TYW1: variants seen among roughly 807,000 people sequenced by gnomAD.
TYW1 encodes S-adenosyl-L-methionine-dependent tRNA 4-demethylwyosine synthase TYW1.
TYW1 carries 46 observed loss-of-function variants against 96.2 expected under a neutral mutation model. The observed-to-expected ratio is 0.48, with a 90% CI of 0.38 to 0.61. The LOEUF is 0.61. TYW1 is among the 20% of genes least tolerant of loss of function. TYW1 has a pLI of 0.00. For synonymous variants in TYW1, 274 were observed against 323.0 expected (o/e 0.85, Z 1.63); for missense variants, 684 against 909.6 (o/e 0.75, Z 3.19).
rs943976024 is a variant in TYW1, at chr7:66,997,091, G to A, written c.4+109G>A. 8.3e-6 allele frequency: 13 copies of A among 1,573,600 alleles called. No homozygotes were observed. In the African/African-American group the frequency reaches 1.3e-4, roughly 16 times the overall value. On this transcript the variant is annotated intron_variant, in intron 1 of 15. Transcript: ENST00000359626. The stretch of plus-strand genomic sequence containing the variant: ...CCTCGGTCCCTTTCCTTCGGAGACT[G>A]TTGCACTTGACAGCACCGGCTAGTC...
At chr7:67,170,357 C>T (rs1055673335) in intron 13 of TYW1, among the ~76,000 whole-genome samples, 1 of 152,150 alleles carries the variant, frequency 6.6e-6, no homozygotes, top group Non-Finnish European at 1.5e-5. Context: ...TTTGAAATCA[C>T]AGTGTTTGAA....
At chr7:67,065,222 A>G (rs190356794) in intron 9 of TYW1, among the ~76,000 whole-genome samples, 3 of 152,246 alleles carry the variant, frequency 2.0e-5, no homozygotes, top group Non-Finnish European at 4.4e-5. Context: ...TCCTGTTCTT[A>G]TAAGGACGGT....
chr7:67,224,260 CG>C (rs1485667344), intron 15 of TYW1, among the ~76,000 whole-genome samples: 1 of 152,138 alleles, frequency 6.6e-6, no homozygotes, highest in Non-Finnish European at 1.5e-5. Flanking sequence ...CCCAAGTAGC[CG>C]AGATTACAGG....
chr7:67,217,121 T>G (rs1801219214), intron 15 of TYW1, among the ~76,000 whole-genome samples: 1 of 151,606 alleles, frequency 6.6e-6, no homozygotes, highest in South Asian at 2.1e-4. Flanking sequence ...ATTTTGTTGT[T>G]GTTGTTGTTG....
At chr7:67,223,349 T>A (rs1301947498) in intron 15 of TYW1, among the ~76,000 whole-genome samples, 1 of 152,120 alleles carries the variant, frequency 6.6e-6, no homozygotes. Flanking sequence ...TTTGTTTTGT[T>A]TTGTTTGATT....
intron 9 of TYW1, among the ~76,000 whole-genome samples, chr7:67,057,074 T>G (rs55681549): frequency 0.3 from 44,664 of 150,230 alleles, 6,840 homozygotes; most frequent in Admixed American, 0.34. Flanking sequence ...GAGTACAGTG[T>G]CATGATCTTG....
At chr7:67,105,081 C>T (rs913690806) in intron 12 of TYW1, among the ~76,000 whole-genome samples, 1 of 152,226 alleles carries the variant, frequency 6.6e-6, no homozygotes, top group Non-Finnish European at 1.5e-5. Context: ...CAAAGAGCAG[C>T]GAGGGGGGCA....
chr7:67,017,872 A>G lies in TYW1; in HGVS notation c.590A>G (p.Lys197Arg). ...HFNKVGKNVD[K>R]WLWMLGAHRV... ...TCACAGGTTGGCAAAAATGTTGACAAGTGGCTCTGGATGCTTGGCGCGCAT... is the reference window on the plus strand; with the variant it reads ...TCACAGGTTGGCAAAAATGTTGACAGGTGGCTCTGGATGCTTGGCGCGCAT... The change falls in exon 6 of 16, where the codon AAG becomes AGG. Residue 197 changes from lysine (K) to arginine (R), a missense_variant. Coordinates refer to ENST00000359626, the MANE Select transcript of TYW1 (RefSeq NM_018264.4). 1.2e-6 allele frequency: 2 copies of G among 1,611,698 alleles called. No homozygotes were observed. Among genetic ancestry groups the G allele is most frequent in the Non-Finnish European group, 1.7e-6 (2 of 1,177,934 alleles).
chr7:67,215,664 A>C (rs1219227601), intron 15 of TYW1, among the ~76,000 whole-genome samples: 1 of 151,866 alleles, frequency 6.6e-6, no homozygotes, highest in Admixed American at 6.6e-5. Context: ...TAGAACTAAT[A>C]GGGGAGTTTA....
In TYW1 at chr7:67,050,021, A is replaced by G. The variant is rs150294347; in HGVS notation, c.1057A>G (p.Arg353Gly). 9 of 1,614,022 alleles carry G rather than the reference A, an allele frequency of 5.6e-6. No individual in the cohort carries two copies. The highest frequency in any genetic ancestry group is 3.3e-5 in the South Asian group (3 of 91,092). ...NMGRNEDGER[R>G]AMITPALREA... ...GGGGAGGAATGAAGATGGTGAAAGA[A>G]GAGCTATGATAACTCCTGCTCTCCG... Residue 353 changes from arginine (R) to glycine (G), a missense_variant, in exon 8 of 16, where the codon AGA (arginine) becomes GGA (glycine). Transcript: ENST00000359626.
intron 9 of TYW1, among the ~76,000 whole-genome samples, chr7:67,058,597 C>G (rs1404425937): frequency 6.6e-6 from 1 of 152,090 alleles, no homozygotes; most frequent in Non-Finnish European, 1.5e-5. Flanking sequence ...GATCCTCCCT[C>G]CTCAGCCTCC....
chr7:67,106,096 C>T (rs1175570380), intron 12 of TYW1, among the ~76,000 whole-genome samples: 1 of 152,102 alleles, frequency 6.6e-6, no homozygotes, highest in Non-Finnish European at 1.5e-5. Context: ...AGGGTTTCTC[C>T]ATGTTGGTCA....
chr7:66,998,081 A>G lies in TYW1; in HGVS notation c.21A>G (p.Thr7=), dbSNP rs138394993. The change falls in exon 2 of 16, where the codon ACA becomes ACG. Residue 7 remains threonine (T), a synonymous_variant. Transcript: ENST00000359626. MDPSAD[T]WDLFSPLISL... ...TAAATTTAGATCCTTCTGCGGATACATGGGACCTCTTCTCACCTTTAATAT... is the reference window on the plus strand; with the variant it reads ...TAAATTTAGATCCTTCTGCGGATACGTGGGACCTCTTCTCACCTTTAATAT... 1.2e-5 allele frequency: 19 copies of G among 1,600,736 alleles called. No individual in the cohort carries two copies. The African/African-American group carries it at 2.2e-4, about 18-fold the overall frequency.
At chr7:67,089,616 C>G (rs967319139) in intron 11 of TYW1, 8 of 514,204 alleles carry the variant, frequency 1.6e-5, no homozygotes, top group Non-Finnish European at 2.1e-5. Flanking sequence ...GGGATTGTTG[C>G]TTATTGTCTG....
intron 13 of TYW1, among the ~76,000 whole-genome samples, chr7:67,167,468 C>CAAAAAAAAAAAA (rs869281504): frequency 3.8e-5 from 3 of 78,804 alleles, no homozygotes; most frequent in Non-Finnish European, 6.9e-5. Flanking sequence ...GACTCTGTCT[C>CAAAAAAAAAAAA]AAAAAAAAAA....
intron 6 of TYW1, among the ~76,000 whole-genome samples, chr7:67,021,129 G>T (rs1380552168): frequency 2.0e-5 from 3 of 152,286 alleles, no homozygotes; most frequent in African/African-American, 7.2e-5. Context: ...TTCCCTAGGG[G>T]ATTGTCATAC....
At chr7:67,045,631 G>A (rs1584497281) in intron 7 of TYW1, among the ~76,000 whole-genome samples, 1 of 152,248 alleles carries the variant, frequency 6.6e-6, no homozygotes, top group Non-Finnish European at 1.5e-5. Context: ...AACGTTTTGT[G>A]TATTCATTGC....
At chr7:67,015,463 C>T (rs1332540952) in intron 5 of TYW1, among the ~76,000 whole-genome samples, 7 of 152,116 alleles carry the variant, frequency 4.6e-5, no homozygotes, top group African/African-American at 1.7e-4. Context: ...GGGATCCTCC[C>T]AAGTCAGCCT....
At chr7:67,205,594 C>CCT (rs1800766855) in intron 15 of TYW1, among the ~76,000 whole-genome samples, 1 of 151,682 alleles carries the variant, frequency 6.6e-6, no homozygotes, top group African/African-American at 2.4e-5. Flanking sequence ...CTGATACCGC[C>CCT]CTGGTAGTAG....
Sources: allele counts gnomAD v4.1 joint callset (sites outside exome capture counted in the v4.1 genomes callset), GRCh38; gene constraint gnomAD v4.1.1; transcripts MANE v1.5; gene names NCBI Gene and HGNC (gene_info 2026-07-23, HGNC 2026-07-21).